CHSY3: variants seen among roughly 807,000 people sequenced by gnomAD.
CHSY3 encodes N-acetylgalactosaminyl-proteoglycan 3-beta-glucuronosyltransferase 3.
CHSY3 carries 35 observed loss-of-function variants against 67.2 expected under a neutral mutation model. That is an observed-to-expected ratio of 0.52 (90% CI 0.40 to 0.69). The LOEUF (loss-of-function observed/expected upper bound fraction) is 0.69, where lower values mean the gene tolerates loss of function less well. Ranked by LOEUF, CHSY3 falls within the 30% of genes least tolerant of loss-of-function variation. The probability of loss-of-function intolerance (pLI) is 0.00; values close to 1 mark genes in which losing one functional copy is unlikely to be tolerated. For missense variants in CHSY3, 1,069 were observed against 1,138.5 expected (o/e 0.94, Z 0.88); for synonymous variants, 474 against 434.7 (o/e 1.09, Z -1.12).
intron 2 of CHSY3, among the ~76,000 whole-genome samples, chr5:130,092,650 G>A (rs10044026): frequency 0.46 from 69,592 of 151,910 alleles, 16,273 homozygotes; most frequent in African/African-American, 0.54. Context: ...TTTTAACCAA[G>A]ATACCAGGGG....
At chr5:129,959,952 A>G (rs889122344) in intron 2 of CHSY3, among the ~76,000 whole-genome samples, 15 of 152,114 alleles carry the variant, frequency 9.9e-5, no homozygotes, top group African/African-American at 3.6e-4. Context: ...CATATTTGAT[A>G]CTGAATATAT....
chr5:130,132,107 T>A (rs77992484), intron 2 of CHSY3, among the ~76,000 whole-genome samples: 6,878 of 152,248 alleles, frequency 0.045, 429 homozygotes, highest in East Asian at 0.27. Context: ...TACTGTTAAC[T>A]AATATACTCT....
chr5:130,134,943 T>A (rs1400474558), intron 2 of CHSY3, among the ~76,000 whole-genome samples: 4 of 151,302 alleles, frequency 2.6e-5, no homozygotes, highest in Non-Finnish European at 5.9e-5. Flanking sequence ...ATCTTAAAGC[T>A]CACTCCCCAG....
intron 2 of CHSY3, among the ~76,000 whole-genome samples, chr5:130,151,770 G>A (rs1056524272): frequency 2.6e-5 from 4 of 152,000 alleles, no homozygotes; most frequent in Non-Finnish European, 4.4e-5. Context: ...GGGGGTAACC[G>A]CCCCCATGAT....
chr5:129,933,994 A>G (rs182993342), intron 2 of CHSY3, among the ~76,000 whole-genome samples: 36 of 152,164 alleles, frequency 2.4e-4, no homozygotes, highest in Admixed American at 1.6e-3. Context: ...TGCATAACCT[A>G]TCCTTTGACC....
At chr5:130,050,402 A>G (rs2431197) in intron 2 of CHSY3, among the ~76,000 whole-genome samples, 92,725 of 151,950 alleles carry the variant, frequency 0.61, 28,527 homozygotes, top group African/African-American at 0.68. Flanking sequence ...GGCAACTAGA[A>G]CAAAGAGTGC....
intron 2 of CHSY3, among the ~76,000 whole-genome samples, chr5:130,082,297 G>T (rs1049628926): frequency 2.6e-5 from 4 of 152,004 alleles, no homozygotes; most frequent in African/African-American, 9.7e-5. Flanking sequence ...AAAGTAATAA[G>T]TGATTGATAA....
chr5:130,116,599 C>T (rs887506411), intron 2 of CHSY3, among the ~76,000 whole-genome samples: 2 of 152,132 alleles, frequency 1.3e-5, no homozygotes, highest in Admixed American at 6.5e-5. Context: ...ATTCCACCGT[C>T]GTGGGTGCCA....
At chr5:130,150,741 A>G (rs550605016) in intron 2 of CHSY3, among the ~76,000 whole-genome samples, 4 of 152,194 alleles carry the variant, frequency 2.6e-5, no homozygotes, top group Non-Finnish European at 5.9e-5. Flanking sequence ...CTAATGAAGG[A>G]CACATTCAAA....
chr5:130,052,704 G>T (rs142393621), intron 2 of CHSY3, among the ~76,000 whole-genome samples: 10 of 152,252 alleles, frequency 6.6e-5, no homozygotes, highest in African/African-American at 2.2e-4. Context: ...GGGAGCCTAT[G>T]TCTTTTATCC....
intron 2 of CHSY3, chr5:130,141,347 T>G: frequency 2.7e-6 from 1 of 376,682 alleles, no homozygotes; most frequent in South Asian, 2.5e-5. Flanking sequence ...TATTTAGATT[T>G]ATCAAGGAGA....
chr5:130,052,830 C>T (rs1233882399), intron 2 of CHSY3, among the ~76,000 whole-genome samples: 2 of 152,018 alleles, frequency 1.3e-5, no homozygotes. Context: ...TTTAAATTTT[C>T]TCAATGCTAC....
intron 2 of CHSY3, among the ~76,000 whole-genome samples, chr5:130,053,900 T>C (rs1248790064): frequency 6.6e-6 from 1 of 152,174 alleles, no homozygotes; most frequent in Non-Finnish European, 1.5e-5. Flanking sequence ...TCTGGAAAAT[T>C]CATCATGAGA....
At chr5:130,178,244 TATATATA>T (rs1561571853) in intron 2 of CHSY3, among the ~76,000 whole-genome samples, 1 of 75,264 alleles carries the variant, frequency 1.3e-5, no homozygotes, top group African/African-American at 5.7e-5. Flanking sequence ...TATATATATA[TATATATA>T]TATTTTTTTT....
At chr5:129,957,195 A>G (rs1762201678) in intron 2 of CHSY3, among the ~76,000 whole-genome samples, 1 of 151,910 alleles carries the variant, frequency 6.6e-6, no homozygotes, top group South Asian at 2.1e-4. Context: ...GTCGTTATCT[A>G]TGTTTCTATG....
chr5:130,177,134 G>A (rs1325692075), intron 2 of CHSY3, among the ~76,000 whole-genome samples: 1 of 150,640 alleles, frequency 6.6e-6, no homozygotes, highest in Admixed American at 6.6e-5. Flanking sequence ...TCCTGTCCTT[G>A]ACTCCCTATA....
intron 2 of CHSY3, among the ~76,000 whole-genome samples, chr5:130,002,845 G>C (rs1580637296): frequency 6.6e-6 from 1 of 152,152 alleles, no homozygotes; most frequent in South Asian, 2.1e-4. Flanking sequence ...GGAGGGGCTG[G>C]AGGGGGTGGG....
intron 2 of CHSY3, among the ~76,000 whole-genome samples, chr5:130,022,766 T>C (rs1764430343): frequency 6.6e-6 from 1 of 151,912 alleles, no homozygotes; most frequent in African/African-American, 2.4e-5. Context: ...TTGCCTGTTA[T>C]TTTGGAATAT....
chr5:130,015,976 G>T (rs1410929863), intron 2 of CHSY3, among the ~76,000 whole-genome samples: 1 of 152,172 alleles, frequency 6.6e-6, no homozygotes, highest in Non-Finnish European at 1.5e-5. Flanking sequence ...GTGAATTAAT[G>T]CAGGAACAGA....
Sources: allele counts gnomAD v4.1 joint callset (sites outside exome capture counted in the v4.1 genomes callset), GRCh38; gene constraint gnomAD v4.1.1; transcripts MANE v1.5; gene names NCBI Gene and HGNC (gene_info 2026-07-23, HGNC 2026-07-21).